The following PABPC4L variants were observed in gnomAD, a reference collection of about 807,000 sequenced individuals.
PABPC4L encodes polyadenylate-binding protein 4-like.
For synonymous variants in PABPC4L, 169 were observed against 164.1 expected, an observed-to-expected ratio of 1.03 and a Z score of -0.23; for missense variants, 452 against 451.4, an observed-to-expected ratio of 1.00 and a Z score of -0.01.
At chr4:134,042,284 G>C in the PABPC4L span, among the ~76,000 whole-genome samples, 2 of 152,146 alleles carry the variant, frequency 1.3e-5, no homozygotes, top group Non-Finnish European at 2.9e-5. Flanking sequence ...GGACATTGGA[G>C]ACTAGAAGGT....
chr4:133,970,035 ATATT>A, the PABPC4L span, among the ~76,000 whole-genome samples: 6 of 147,108 alleles, frequency 4.1e-5, no homozygotes, highest in African/African-American at 7.4e-5. Flanking sequence ...AAATATATAT[ATATT>A]TATTTATTTA....
the PABPC4L span, among the ~76,000 whole-genome samples, chr4:134,042,044 G>T: frequency 6.6e-6 from 1 of 151,960 alleles, no homozygotes; most frequent in South Asian, 2.1e-4. Flanking sequence ...TGGATAAAGA[G>T]AATGTGGTGT....
At chr4:134,133,644 G>A in the PABPC4L span, among the ~76,000 whole-genome samples, 5 of 151,512 alleles carry the variant, frequency 3.3e-5, no homozygotes, top group Admixed American at 2.6e-4. Context: ...CTATGAGGAC[G>A]CAATGGCATA....
chr4:134,157,494 T>G, the PABPC4L span, among the ~76,000 whole-genome samples: 1 of 151,998 alleles, frequency 6.6e-6, no homozygotes, highest in East Asian at 1.9e-4. Context: ...TTTTTATTTT[T>G]ATTAATTTCC....
chr4:134,189,375 C>CT, the PABPC4L span, among the ~76,000 whole-genome samples: 2 of 151,360 alleles, frequency 1.3e-5, no homozygotes, highest in Non-Finnish European at 3.0e-5. Flanking sequence ...AGGTATATAT[C>CT]TTTTTTGTTG....
chr4:134,083,852 A>T, the PABPC4L span, among the ~76,000 whole-genome samples: 1 of 152,140 alleles, frequency 6.6e-6, no homozygotes, highest in Non-Finnish European at 1.5e-5. Flanking sequence ...TTATATCAAA[A>T]ACACAGGTAT....
chr4:133,980,032 A>T, the PABPC4L span, among the ~76,000 whole-genome samples: 12 of 152,008 alleles, frequency 7.9e-5, no homozygotes, highest in African/African-American at 2.9e-4. Flanking sequence ...AGTGCTTAGG[A>T]TGTCATACTA....
the PABPC4L span, among the ~76,000 whole-genome samples, chr4:134,061,961 A>G: frequency 6.6e-6 from 1 of 151,940 alleles, no homozygotes; most frequent in African/African-American, 2.4e-5. Context: ...TCATAGGATG[A>G]CAGTTATGCA....
the PABPC4L span, among the ~76,000 whole-genome samples, chr4:133,952,092 C>T: frequency 0.18 from 26,936 of 152,130 alleles, 3,034 homozygotes; most frequent in Middle Eastern, 0.25. Context: ...GCTGCTGATA[C>T]CACGGCCCTT....
chr4:133,966,460 T>C, the PABPC4L span, among the ~76,000 whole-genome samples: 1 of 152,302 alleles, frequency 6.6e-6, no homozygotes, highest in African/African-American at 2.4e-5. Context: ...ACTGAGTATC[T>C]GCCCAGAGAA....
At chr4:134,177,384 C>T in the PABPC4L span, among the ~76,000 whole-genome samples, 6 of 152,016 alleles carry the variant, frequency 3.9e-5, no homozygotes, top group South Asian at 1.2e-3. Flanking sequence ...CCATATTGGC[C>T]AGGATAGTCT....
the PABPC4L span, among the ~76,000 whole-genome samples, chr4:134,144,057 ATAG>A: frequency 6.6e-6 from 1 of 151,628 alleles, no homozygotes; most frequent in Non-Finnish European, 1.5e-5. Context: ...AAAGGCTGAA[ATAG>A]TACAAGATTT....
the PABPC4L span, among the ~76,000 whole-genome samples, chr4:134,067,243 C>T: frequency 1.3e-5 from 2 of 151,972 alleles, no homozygotes; most frequent in Non-Finnish European, 2.9e-5. Context: ...TTCAATGTAT[C>T]CCTTGTGTAA....
At chr4:134,134,631 A>G in the PABPC4L span, among the ~76,000 whole-genome samples, 4 of 150,736 alleles carry the variant, frequency 2.7e-5, no homozygotes, top group African/African-American at 4.8e-5. Context: ...TTTCATCTTC[A>G]TTATTATAAT....
chr4:134,125,032 T>A, the PABPC4L span, among the ~76,000 whole-genome samples: 1 of 152,152 alleles, frequency 6.6e-6, no homozygotes. Context: ...GGGATGGTAG[T>A]AGAAAGACTA....
At chr4:134,137,837 A>G in the PABPC4L span, among the ~76,000 whole-genome samples, 7 of 151,796 alleles carry the variant, frequency 4.6e-5, no homozygotes, top group African/African-American at 1.7e-4. Flanking sequence ...GCCTTTACTG[A>G]TACCCATTAT....
chr4:133,980,378 A>G, the PABPC4L span, among the ~76,000 whole-genome samples: 1 of 152,312 alleles, frequency 6.6e-6, no homozygotes, highest in East Asian at 1.9e-4. Context: ...ACCCTTGGAA[A>G]GATGTGGTCT....
chr4:134,140,647 T>C, the PABPC4L span, among the ~76,000 whole-genome samples: 1 of 151,856 alleles, frequency 6.6e-6, no homozygotes, highest in African/African-American at 2.4e-5. Context: ...TAGATAAATG[T>C]AGGGATTTTT....
At chr4:134,063,318 A>C in the PABPC4L span, among the ~76,000 whole-genome samples, 12 of 151,980 alleles carry the variant, frequency 7.9e-5, no homozygotes, top group Admixed American at 2.0e-4. Context: ...GAAAATATTC[A>C]TTATTAATAG....
Sources: gnomAD v4.1 joint callset for allele counts (sites outside exome capture counted in the v4.1 genomes callset) on GRCh38, gnomAD v4.1.1 for gene constraint, MANE v1.5 for transcripts, NCBI Gene and HGNC (gene_info 2026-07-23, HGNC 2026-07-21) for gene names.